Variants in BAZ2B observed in about 807,000 individuals in gnomAD.
BAZ2B encodes the protein bromodomain adjacent to zinc finger domain 2B.
Under a neutral mutation model 246.0 loss-of-function variants are expected in BAZ2B, and 91 were observed. The ratio of observed to expected loss-of-function variants is 0.37; its 90% CI spans 0.31 to 0.44. The LOEUF is 0.44. BAZ2B is among the 20% of genes least tolerant of loss of function. The pLI, the probability that BAZ2B is intolerant of heterozygous loss-of-function variation, is 1.00. For synonymous variants in BAZ2B, 855 were observed against 860.0 expected (o/e 0.99, Z 0.10); for missense variants, 2,332 against 2,533.7 (o/e 0.92, Z 1.71).
chr2:159,659,900 C>G, the BAZ2B span, among the ~76,000 whole-genome samples: 1 of 152,160 alleles, frequency 6.6e-6, no homozygotes, highest in Non-Finnish European at 1.5e-5. Flanking sequence ...ACTGGAAGTC[C>G]TCTATTCATT....
intron 27 of BAZ2B, among the ~76,000 whole-genome samples, chr2:159,371,332 C>T (rs1483902945): frequency 4.6e-5 from 7 of 151,148 alleles, no homozygotes; most frequent in African/African-American, 9.7e-5. Flanking sequence ...TTGCTAGAGA[C>T]GGGGCTTTGC....
chr2:159,693,132 A>G, the BAZ2B span: 3 of 151,734 alleles, frequency 2.0e-5, no homozygotes, highest in African/African-American at 4.9e-5. Flanking sequence ...TTGTTTGTTA[A>G]TATTTTATTT....
the BAZ2B span, among the ~76,000 whole-genome samples, chr2:159,682,805 T>G: frequency 6.6e-6 from 1 of 152,106 alleles, no homozygotes. Context: ...TCTTCTTGGC[T>G]GCAGGAGTTC....
At chr2:159,356,575 T>C (rs1411909724) in intron 27 of BAZ2B, among the ~76,000 whole-genome samples, 2 of 152,186 alleles carry the variant, frequency 1.3e-5, no homozygotes, top group South Asian at 2.1e-4. Context: ...CGTTCCTGCC[T>C]GGTGGCTCTG....
chr2:159,383,233 T>A (rs1254571161), intron 24 of BAZ2B, among the ~76,000 whole-genome samples: 1 of 152,148 alleles, frequency 6.6e-6, no homozygotes. Flanking sequence ...TTTAGCTAGA[T>A]TCCGTAAAAG....
At chr2:159,401,502 C>G (rs1576581483) in intron 16 of BAZ2B, among the ~76,000 whole-genome samples, 1 of 152,042 alleles carries the variant, frequency 6.6e-6, no homozygotes, top group African/African-American at 2.4e-5. Context: ...CAATAATTTC[C>G]ATTCTAAAAT....
intron 1 of BAZ2B, among the ~76,000 whole-genome samples, chr2:159,574,966 T>C (rs184774302): frequency 6.3e-4 from 94 of 149,052 alleles, no homozygotes; most frequent in Admixed American, 2.4e-3. Flanking sequence ...CAAGACTCCA[T>C]CTCAAAAAAA....
chr2:159,353,814 G>A (rs1274302386), intron 27 of BAZ2B, among the ~76,000 whole-genome samples: 3 of 152,168 alleles, frequency 2.0e-5, no homozygotes, highest in Non-Finnish European at 4.4e-5. Flanking sequence ...CCTAGAATGA[G>A]CACTGTTCTA....
chr2:159,657,852 T>C, the BAZ2B span, among the ~76,000 whole-genome samples: 1 of 152,248 alleles, frequency 6.6e-6, no homozygotes, highest in Non-Finnish European at 1.5e-5. Flanking sequence ...TCCAGATTTT[T>C]TGGTTGATTC....
At position 159,580,642 on chromosome 2, in the gene BAZ2B, A is replaced by T. The variant is rs1191247033; in HGVS notation, c.-45-24777T>A. Among the ~76,000 whole-genome samples the T allele has an allele frequency of 3.3e-5, 5 of 152,356 alleles. No individual in the cohort carries two copies. The East Asian group carries it at 9.6e-4, about 29-fold the overall frequency. On this transcript the variant is annotated intron_variant, in intron 1 of 36. Transcript: ENST00000392783. ...AAGCCAAAAGAACAAAGCTGGAGGC[A>T]TCACACTATCTGACTTCAAACTATA...
chr2:159,416,130 T>C (rs184453031), intron 13 of BAZ2B, among the ~76,000 whole-genome samples: 8 of 152,312 alleles, frequency 5.3e-5, no homozygotes, highest in Admixed American at 4.6e-4. Flanking sequence ...GCCAAGATTA[T>C]GTCAAGAAAA....
At chr2:159,590,187 CAAAAAAAAAAAAAAAAAAAAAAAAAAAA>C (rs552786270) in intron 1 of BAZ2B, among the ~76,000 whole-genome samples, 125 of 20,326 alleles carry the variant, frequency 6.1e-3, no homozygotes, top group African/African-American at 0.03. Flanking sequence ...GACTCCATCT[CAAAAAAAAAAAAAAAAAAAAAAAAAAAA>C]AAAAAAAAAA....
chr2:159,448,165 G>A, intron 5 of BAZ2B, 77 bp downstream of exon 5: 1 of 1,489,940 alleles, frequency 6.7e-7, no homozygotes, highest in Non-Finnish European at 9.0e-7. Flanking sequence ...AACAAAAAAA[G>A]GTATTAAACC....
At chr2:159,357,737 G>A (rs903559886) in intron 27 of BAZ2B, among the ~76,000 whole-genome samples, 4 of 152,176 alleles carry the variant, frequency 2.6e-5, no homozygotes, top group African/African-American at 9.7e-5. Flanking sequence ...TACCTACAAA[G>A]GGAAACCCAT....
intron 1 of BAZ2B, among the ~76,000 whole-genome samples, chr2:159,595,365 G>T (rs191208838): frequency 2.0e-5 from 3 of 152,134 alleles, no homozygotes; most frequent in Non-Finnish European, 4.4e-5. Context: ...GCCTCCCAAA[G>T]TGCTGGGATT....
the BAZ2B span, among the ~76,000 whole-genome samples, chr2:159,658,722 T>C: frequency 6.6e-6 from 1 of 152,166 alleles, no homozygotes; most frequent in East Asian, 1.9e-4. Context: ...TTTTACCATG[T>C]TGCCCAGGCT....
At chr2:159,391,151 A>G (rs773553949) in intron 20 of BAZ2B, among the ~76,000 whole-genome samples, 3 of 152,122 alleles carry the variant, frequency 2.0e-5, no homozygotes, top group African/African-American at 4.8e-5. Flanking sequence ...TCACCAGAGT[A>G]ATGAATTAGC....
intron 34 of BAZ2B, 105 bp from the exon 35 acceptor site, chr2:159,326,023 A>G: frequency 1.0e-6 from 1 of 960,930 alleles, no homozygotes; most frequent in Non-Finnish European, 1.5e-6. Context: ...AAAAAGAATA[A>G]CTCTGATCTA....
chr2:159,349,341 T>G, intron 28 of BAZ2B, 61 bp from the exon 29 acceptor site: 1 of 1,442,652 alleles, frequency 6.9e-7, no homozygotes, highest in Non-Finnish European at 9.2e-7. Flanking sequence ...AGGAAAAATG[T>G]TTGGAATATG....
Sources: allele counts gnomAD v4.1 joint callset (sites outside exome capture counted in the v4.1 genomes callset), GRCh38; gene constraint gnomAD v4.1.1; transcripts MANE v1.5; gene names NCBI Gene and HGNC (gene_info 2026-07-23, HGNC 2026-07-21).